Variants in CPEB3 observed in about 807,000 individuals in gnomAD.
CPEB3 encodes the protein cytoplasmic polyadenylation element-binding protein 3.
A neutral mutation model predicts 67.2 loss-of-function variants in CPEB3; 20 were observed. The observed-to-expected ratio is 0.30, with a 90% confidence interval of 0.21 to 0.43. The LOEUF (loss-of-function observed/expected upper bound fraction) is 0.43, where lower values mean the gene tolerates loss of function less well. CPEB3 is among the 20% of genes least tolerant of loss of function. The pLI is 1.00. For missense variants in CPEB3, 746 were observed against 968.6 expected (o/e 0.77, Z 3.05); for synonymous variants, 376 against 393.1 (o/e 0.96, Z 0.51).
chr10:92,239,755 G>A lies in CPEB3; in HGVS notation c.596C>T (p.Ala199Val). ...QRRSPASPSQ[A>V]PYAQRSAAAA... is the part of the protein sequence containing the mutation. ...GGCGGCGCTCCTCTGCGCGTAGGGC[G>A]CCTGGCTGGGGCTGGCGGGTGAGCG... Residue 199 changes from alanine to valine, a missense_variant, in exon 2 of 10, where the codon GCG (alanine) becomes GTG (valine). Physicochemically the swap from Ala to Val is moderately conservative, Grantham distance 64 (BLOSUM62 0). Coordinates refer to ENST00000265997, the MANE Select transcript of CPEB3 (RefSeq NM_014912.5). The surrounding 1 kb of genome is among the most constrained non-coding windows in gnomAD (Gnocchi z 6.0). 3 of 1,469,536 alleles carry A rather than the reference G, an allele frequency of 2.0e-6. No homozygotes were observed. The highest frequency in any genetic ancestry group is 1.5e-5 in the African/African-American group (1 of 68,080). 91.0% of individuals were successfully genotyped at this position (1,469,536 alleles called of 1,614,324 possible).
At chr10:92,142,228 A>G (rs1846470518) in intron 6 of CPEB3, among the ~76,000 whole-genome samples, 1 of 152,210 alleles carries the variant, frequency 6.6e-6, no homozygotes, top group Non-Finnish European at 1.5e-5. Context: ...AGGAAGGACA[A>G]GTATTTTCAC....
chr10:92,241,201 C>A (rs1851835476), intron 1 of CPEB3, among the ~76,000 whole-genome samples: 2 of 151,842 alleles, frequency 1.3e-5, no homozygotes, highest in African/African-American at 4.8e-5. Flanking sequence ...TTCTTGGCAT[C>A]GCAGTGCTTC....
At chr10:92,244,646 C>A (rs896895450) in intron 1 of CPEB3, among the ~76,000 whole-genome samples, 2 of 151,914 alleles carry the variant, frequency 1.3e-5, no homozygotes, top group African/African-American at 4.8e-5. Context: ...ACTGTGTTAG[C>A]CAGGATGGTC....
In CPEB3 at chr10:92,255,855, C is replaced by T. The variant is rs561462575; in HGVS notation, c.-11-15494G>A. 1.8e-4 allele frequency among the ~76,000 whole-genome samples: 27 copies of T among 152,316 alleles called. No homozygotes were observed. The South Asian group carries it at 5.4e-3, about 30-fold the overall frequency. On this transcript the variant is annotated intron_variant, in intron 1 of 9. Transcript: ENST00000265997. The stretch of plus-strand genomic sequence containing the variant: ...TCAATCTTCTGCCCCTAAATACAGT[C>T]TCCCCCAGGGTTCTCCTAATTCTGC...
intron 6 of CPEB3, among the ~76,000 whole-genome samples, chr10:92,115,215 G>T (rs1419963031): frequency 2.0e-5 from 3 of 152,222 alleles, no homozygotes; most frequent in Admixed American, 2.0e-4. Context: ...GTGCAGTGAG[G>T]CGATCTCGGA....
intron 2 of CPEB3, among the ~76,000 whole-genome samples, chr10:92,231,324 A>C (rs1265058395): frequency 5.3e-5 from 8 of 152,212 alleles, no homozygotes; most frequent in Admixed American, 5.2e-4. Flanking sequence ...AATATCAACA[A>C]TATTTCCTCT....
chr10:92,260,874 G>T (rs1362146147), intron 1 of CPEB3, among the ~76,000 whole-genome samples: 1 of 152,186 alleles, frequency 6.6e-6, no homozygotes, highest in Admixed American at 6.5e-5. Flanking sequence ...CTCCCAAAGT[G>T]CTGGGATTAC....
Position 92,239,592 on chromosome 10 carries a change from G to T in CPEB3, c.759C>A (p.Ser253Arg), listed in dbSNP as rs376818546. The T allele has an allele frequency of 5.1e-6, 8 of 1,554,124 alleles. No individual in the cohort carries two copies. Among genetic ancestry groups the T allele is most frequent in the Non-Finnish European group, 7.0e-6 (8 of 1,148,670 alleles). Residue 253 changes from serine (S) to arginine (R), a missense_variant, in exon 2 of 10, where the codon AGC becomes AGA. Ser to Arg is a moderately radical substitution (Grantham distance 110). Transcript: ENST00000265997. This position sits in a 1 kb window ranked among gnomAD's most constrained non-coding sequence, Gnocchi z 6.0. ...NTHQSVNAAW[S>R]APSNPWGGLQ... ...GGCCGCCCCAGGGGTTGGACGGTGC[G>T]CTCCAGGCTGCATTCACGCTTTGGT...
chr10:92,164,534 T>A (rs905991724), intron 4 of CPEB3, among the ~76,000 whole-genome samples: 3 of 152,208 alleles, frequency 2.0e-5, no homozygotes, highest in African/African-American at 7.2e-5. Flanking sequence ...GCCTTTTCTA[T>A]GATTTCATAT....
chr10:92,264,599 T>C (rs1331790668), intron 1 of CPEB3, among the ~76,000 whole-genome samples: 3 of 150,892 alleles, frequency 2.0e-5, no homozygotes, highest in Non-Finnish European at 4.4e-5. Context: ...GCCTGTAATC[T>C]CAGCTACTCA....
intron 1 of CPEB3, among the ~76,000 whole-genome samples, chr10:92,265,399 C>T (rs1476973237): frequency 6.6e-6 from 1 of 152,106 alleles, no homozygotes; most frequent in Non-Finnish European, 1.5e-5. Flanking sequence ...ACCTAAAAGC[C>T]TCAGAGCTTC....
In CPEB3 at chr10:92,081,503, T is replaced by G; in HGVS notation, c.1688-2A>C. On this transcript the variant is annotated splice_acceptor_variant, in intron 8 of 9. Transcript: ENST00000265997. LOFTEE classifies it high-confidence loss of function. ...GGTCCATGATCATTGCCAGTTCAAC[T>G]GCAAAAAAAAAACAAAACATGGATG... 6.3e-7 allele frequency: 1 copy of G among 1,596,918 alleles called. No individual in the cohort carries two copies. The highest frequency in any genetic ancestry group is 8.5e-7 in the Non-Finnish European group (1 of 1,174,178).
chr10:92,256,786 T>C (rs1313783260), intron 1 of CPEB3, among the ~76,000 whole-genome samples: 2 of 152,234 alleles, frequency 1.3e-5, no homozygotes, highest in Non-Finnish European at 2.9e-5. Flanking sequence ...AATTGCTGAT[T>C]CCTTCCTTTA....
At chr10:92,285,742 C>T (rs1842501240) in intron 1 of CPEB3, among the ~76,000 whole-genome samples, 1 of 152,130 alleles carries the variant, frequency 6.6e-6, no homozygotes, top group Non-Finnish European at 1.5e-5. Context: ...TACCTCTTCA[C>T]CTACATTAAT....
intron 7 of CPEB3, among the ~76,000 whole-genome samples, chr10:92,095,013 T>C (rs1029747584): frequency 1.3e-5 from 2 of 152,198 alleles, no homozygotes; most frequent in Non-Finnish European, 2.9e-5. Context: ...TATCCAATGG[T>C]CTGCTTTCAT....
At chr10:92,076,682 T>G (rs833363) in intron 9 of CPEB3, among the ~76,000 whole-genome samples, 129,822 of 152,086 alleles carry the variant, frequency 0.85, 55,519 homozygotes, top group East Asian at 0.99. Context: ...CCAAAATGCT[T>G]GGATTATACA....
chr10:92,065,252 G>T (rs186013682), intron 9 of CPEB3, among the ~76,000 whole-genome samples: 2 of 152,122 alleles, frequency 1.3e-5, no homozygotes, highest in East Asian at 3.9e-4. Flanking sequence ...AGGGTCACTC[G>T]CTCTGTCACC....
intron 2 of CPEB3, among the ~76,000 whole-genome samples, chr10:92,205,327 A>T (rs967094687): frequency 6.6e-6 from 1 of 152,222 alleles, no homozygotes; most frequent in African/African-American, 2.4e-5. Flanking sequence ...TAGCTACCAT[A>T]TAATAGATAA....
At chr10:92,165,749 A>AGAAACCTTAAGAG (rs1847708093) in intron 4 of CPEB3, among the ~76,000 whole-genome samples, 1 of 152,234 alleles carries the variant, frequency 6.6e-6, no homozygotes, top group Non-Finnish European at 1.5e-5. Context: ...CTCTACCTTA[A>AGAAACCTTAAGAG]GAAACCACTT....
Sources: gnomAD v4.1 joint callset for allele counts (sites outside exome capture counted in the v4.1 genomes callset) on GRCh38, gnomAD v4.1.1 for gene constraint, Gnocchi (gnomAD v3.1) non-coding constraint, MANE v1.5 for transcripts, NCBI Gene and HGNC (gene_info 2026-07-23, HGNC 2026-07-21) for gene names.